Variants in ME3 observed in about 807,000 individuals in gnomAD.
ME3 encodes the protein NADP-dependent malic enzyme, mitochondrial.
ME3 carries 48 observed loss-of-function variants against 68.9 expected under a neutral mutation model. The ratio of observed to expected loss-of-function variants is 0.70; its 90% CI spans 0.55 to 0.89. The LOEUF (loss-of-function observed/expected upper bound fraction) is 0.89, where lower values mean the gene tolerates loss of function less well. Among genes scored for constraint, ME3 ranks in the 40% least tolerant of loss-of-function variants. ME3 has a pLI of 0.00. For missense variants in ME3, 675 were observed against 797.4 expected (o/e 0.85, Z 1.85); for synonymous variants, 320 against 318.8 (o/e 1.00, Z -0.04).
intron 2 of ME3, among the ~76,000 whole-genome samples, chr11:86,663,486 T>C (rs1033984636): frequency 1.2e-4 from 19 of 152,224 alleles, no homozygotes; most frequent in African/African-American, 4.1e-4. Context: ...GCATCTTTTG[T>C]GCTCTGCATC....
intron 4 of ME3, among the ~76,000 whole-genome samples, chr11:86,531,053 G>T (rs1044972462): frequency 4.6e-5 from 7 of 152,134 alleles, no homozygotes; most frequent in Non-Finnish European, 1.0e-4. Flanking sequence ...CCATCAGAGT[G>T]AACAGGCAAC....
chr11:86,441,273 A>G (rs1238106190), exon 15 of ME3: 1 of 1,574,178 alleles, frequency 6.4e-7, no homozygotes, highest in Admixed American at 1.9e-5. Flanking sequence ...AGCCTCTGAG[A>G]CTGCCTCAGA....
intron 2 of ME3, among the ~76,000 whole-genome samples, chr11:86,606,028 T>C (rs1018212102): frequency 3.3e-5 from 5 of 152,122 alleles, no homozygotes; most frequent in Non-Finnish European, 7.3e-5. Context: ...GTGCATCCCT[T>C]CTAGTGAAGT....
chr11:86,610,496 G>T (rs1426322971), intron 2 of ME3, among the ~76,000 whole-genome samples: 1 of 152,168 alleles, frequency 6.6e-6, no homozygotes, highest in African/African-American at 2.4e-5. Context: ...CATATGCCAT[G>T]GGAGTGATGC....
At chr11:86,460,437 G>T (rs1950174384) in intron 8 of ME3, among the ~76,000 whole-genome samples, 1 of 152,220 alleles carries the variant, frequency 6.6e-6, no homozygotes. Flanking sequence ...ACCAGGCATG[G>T]CCCTGCCCTC....
chr11:86,580,701 A>G lies in ME3; in HGVS notation c.184-20878T>C, dbSNP rs147178110. Among the ~76,000 whole-genome samples the G allele has an allele frequency of 5.2e-3, 789 of 152,348 alleles. 8 individuals carry two copies. Among genetic ancestry groups the G allele is most frequent in the African/African-American group, 0.016 (675 of 41,584 alleles). ...ACCCAAGATTATACAGTTAATAAGT[A>G]GCAGAGCTGGAATGTAAACACAGGT... On this transcript the variant is annotated intron_variant, in intron 2 of 14. Transcript: ENST00000543262.
intron 2 of ME3, among the ~76,000 whole-genome samples, chr11:86,652,231 G>A (rs574666773): frequency 6.6e-6 from 1 of 152,180 alleles, no homozygotes; most frequent in East Asian, 1.9e-4. Context: ...TTAGATTCAG[G>A]AAATACAGAG....
intron 11 of ME3, among the ~76,000 whole-genome samples, chr11:86,447,411 A>G (rs1949372824): frequency 6.6e-6 from 1 of 152,176 alleles, no homozygotes; most frequent in Admixed American, 6.5e-5. Flanking sequence ...CTAAGGGACC[A>G]CTGGTCCACC....
intron 4 of ME3, among the ~76,000 whole-genome samples, chr11:86,527,135 G>A (rs965679436): frequency 6.6e-6 from 1 of 152,100 alleles, no homozygotes; most frequent in Non-Finnish European, 1.5e-5. Flanking sequence ...TAGACAAATG[G>A]CTTCCTAGAA....
chr11:86,438,488 T>C (rs932405517), downstream of ME3, among the ~76,000 whole-genome samples: 1 of 152,196 alleles, frequency 6.6e-6, no homozygotes, highest in Non-Finnish European at 1.5e-5. Flanking sequence ...ACTAGTATCA[T>C]AGAATGATTT....
At chr11:86,448,331 C>T in intron 10 of ME3, 76 bp from the exon 11 acceptor site, 1 of 1,113,522 alleles carries the variant, frequency 9.0e-7, no homozygotes, top group Non-Finnish European at 1.4e-6. Context: ...TTTGGAAACT[C>T]TGAGAGCGTT....
intron 2 of ME3, among the ~76,000 whole-genome samples, chr11:86,595,566 G>T (rs1056057629): frequency 6.6e-6 from 1 of 152,112 alleles, no homozygotes; most frequent in Admixed American, 6.5e-5. Context: ...CGCGTGCCCT[G>T]GTTTGAAAGG....
At chr11:86,607,677 C>T (rs915514465) in intron 2 of ME3, among the ~76,000 whole-genome samples, 5 of 142,396 alleles carry the variant, frequency 3.5e-5, no homozygotes, top group African/African-American at 1.3e-4. Flanking sequence ...TAGATCACAT[C>T]TAGAGATAGG....
At chr11:86,525,817 G>A (rs535181526) in intron 4 of ME3, among the ~76,000 whole-genome samples, 7 of 149,154 alleles carry the variant, frequency 4.7e-5, no homozygotes, top group East Asian at 4.0e-4. Context: ...AGGTGAGATC[G>A]TGCCATTGCA....
At chr11:86,594,521 T>C (rs1192727597) in intron 2 of ME3, among the ~76,000 whole-genome samples, 1 of 144,188 alleles carries the variant, frequency 6.9e-6, no homozygotes, top group African/African-American at 2.6e-5. Context: ...AAACACCCCA[T>C]CTCTACAAAA....
At chr11:86,454,850 C>G (rs1161974614) in intron 8 of ME3, among the ~76,000 whole-genome samples, 1 of 152,184 alleles carries the variant, frequency 6.6e-6, no homozygotes, top group Non-Finnish European at 1.5e-5. Context: ...AGTGAATTTT[C>G]TATATTCTCT....
chr11:86,466,213 C>G (rs777561121), intron 7 of ME3, among the ~76,000 whole-genome samples: 2 of 152,212 alleles, frequency 1.3e-5, no homozygotes, highest in Non-Finnish European at 2.9e-5. Flanking sequence ...CCCCTTTACT[C>G]CATTCTTGCT....
intron 7 of ME3, among the ~76,000 whole-genome samples, chr11:86,467,513 T>C (rs1950541629): frequency 6.6e-6 from 1 of 152,210 alleles, no homozygotes; most frequent in Admixed American, 6.5e-5. Context: ...ATGTCTTTGG[T>C]TGCTGGTGAC....
At chr11:86,613,680 C>G (rs1378248491) in intron 2 of ME3, among the ~76,000 whole-genome samples, 1 of 152,082 alleles carries the variant, frequency 6.6e-6, no homozygotes, top group African/African-American at 2.4e-5. Context: ...CAACAATAGA[C>G]AGCAGAGAGC....
Sources: allele counts gnomAD v4.1 joint callset (sites outside exome capture counted in the v4.1 genomes callset), GRCh38; gene constraint gnomAD v4.1.1; transcripts MANE v1.5; gene names NCBI Gene and HGNC (gene_info 2026-07-23, HGNC 2026-07-21).